CLVS1: variants seen among roughly 807,000 people sequenced by gnomAD.
The protein encoded by CLVS1 is clavesin 1.
CLVS1 carries 10 observed loss-of-function variants against 33.1 expected under a neutral mutation model. The observed-to-expected ratio is 0.30, with a 90% CI of 0.19 to 0.51. The LOEUF (loss-of-function observed/expected upper bound fraction) is 0.51, where lower values mean the gene tolerates loss of function less well. Ranked by LOEUF, CLVS1 falls within the 20% of genes least tolerant of loss-of-function variation. CLVS1 has a pLI of 0.97. For missense variants in CLVS1, 343 were observed against 433.4 expected (o/e 0.79, Z 1.85); for synonymous variants, 163 against 166.1 (o/e 0.98, Z 0.14).
At chr8:61,226,980 G>GTTTTTTTTTTTTTTTTTTTTTTTTT (rs55718731) in intron 2 of CLVS1, among the ~76,000 whole-genome samples, 10 of 132,310 alleles carry the variant, frequency 7.6e-5, no homozygotes, top group Non-Finnish European at 1.1e-4. Context: ...ACGAAAACAT[G>GTTTTTTTTTTTTTTTTTTTTTTTTT]TTTTTTTTTT....
the CLVS1 span, among the ~76,000 whole-genome samples, chr8:60,977,318 G>GTTC: frequency 6.6e-6 from 1 of 152,012 alleles, no homozygotes; most frequent in Non-Finnish European, 1.5e-5. Context: ...TCATTCACAG[G>GTTC]AAAAAAATAA....
chr8:61,456,847 G>C (rs554462042), intron 4 of CLVS1, among the ~76,000 whole-genome samples: 38 of 151,686 alleles, frequency 2.5e-4, no homozygotes, highest in Non-Finnish European at 4.6e-4. Context: ...GAACCTGGGA[G>C]GGGGAGCTTG....
chr8:61,432,620 GA>G (rs1816156030), intron 3 of CLVS1, among the ~76,000 whole-genome samples: 1 of 152,198 alleles, frequency 6.6e-6, no homozygotes, highest in African/African-American at 2.4e-5. Flanking sequence ...TGTGGGAAGA[GA>G]AATTTCCCTT....
At position 61,433,624 on chromosome 8, in the gene CLVS1, G is replaced by A. The variant is rs182019671; in HGVS notation, c.631-20517G>A. On this transcript the variant is annotated intron_variant, in intron 3 of 5. Transcript: ENST00000325897. ...GCCCTGGAGCAGGCATACCAGGAGC[G>A]TCTGACTCTGTGGGCTTCGAGTCAG... 1.8e-4 allele frequency among the ~76,000 whole-genome samples: 27 copies of A among 152,230 alleles called. No individual in the cohort carries two copies. In the East Asian group the frequency reaches 3.3e-3, roughly 19 times the overall value.
intron 2 of CLVS1, among the ~76,000 whole-genome samples, chr8:61,254,701 G>T (rs1334951734): frequency 6.6e-6 from 1 of 152,142 alleles, no homozygotes; most frequent in Non-Finnish European, 1.5e-5. Context: ...GGTTCCGTGG[G>T]CATAGGACCC....
At chr8:61,266,882 T>C (rs1476232030) in intron 2 of CLVS1, among the ~76,000 whole-genome samples, 2 of 152,376 alleles carry the variant, frequency 1.3e-5, no homozygotes, top group Admixed American at 6.5e-5. Flanking sequence ...TTTGGGATTC[T>C]AGCCAAAATA....
intron 3 of CLVS1, among the ~76,000 whole-genome samples, chr8:61,440,436 C>T (rs1816497880): frequency 6.6e-6 from 1 of 152,168 alleles, no homozygotes; most frequent in Admixed American, 6.5e-5. Flanking sequence ...TGCAAACTTC[C>T]TTACAGACTA....
intron 1 of CLVS1, among the ~76,000 whole-genome samples, chr8:61,069,647 T>C (rs1448082251): frequency 6.6e-6 from 1 of 152,196 alleles, no homozygotes; most frequent in African/African-American, 2.4e-5. Flanking sequence ...TTCTCAGTTC[T>C]GCTCCCAACA....
At chr8:60,986,804 C>A in the CLVS1 span, among the ~76,000 whole-genome samples, 3 of 152,290 alleles carry the variant, frequency 2.0e-5, no homozygotes, top group South Asian at 6.2e-4. Context: ...TGGGTAACAT[C>A]GTACTGGGCA....
At chr8:61,497,254 A>G (rs1231849525) in intron 5 of CLVS1, among the ~76,000 whole-genome samples, 1 of 152,170 alleles carries the variant, frequency 6.6e-6, no homozygotes, top group African/African-American at 2.4e-5. Context: ...AAGGATATAG[A>G]TTGCAATCAG....
chr8:61,278,352 TAA>T (rs1427578976), intron 2 of CLVS1, among the ~76,000 whole-genome samples: 1 of 152,226 alleles, frequency 6.6e-6, no homozygotes, highest in African/African-American at 2.4e-5. Context: ...TTAAATAGCA[TAA>T]GTTTACTGTA....
At chr8:61,426,596 G>A (rs1283808643) in intron 3 of CLVS1, among the ~76,000 whole-genome samples, 1 of 152,124 alleles carries the variant, frequency 6.6e-6, no homozygotes, top group Non-Finnish European at 1.5e-5. Context: ...GGAGGATCGG[G>A]CCCCTGCCAA....
chr8:61,229,530 C>T (rs112976159), intron 2 of CLVS1, among the ~76,000 whole-genome samples: 1,543 of 152,336 alleles, frequency 0.01, 34 homozygotes, highest in African/African-American at 0.034. Context: ...AGCCCCCATG[C>T]ATGACACTGC....
At chr8:61,260,371 G>T (rs1177429564) in intron 2 of CLVS1, among the ~76,000 whole-genome samples, 1 of 152,208 alleles carries the variant, frequency 6.6e-6, no homozygotes, top group African/African-American at 2.4e-5. Context: ...AAATAAAACG[G>T]ATGAGTAGTG....
At chr8:61,124,606 C>T (rs1366853940) in intron 1 of CLVS1, among the ~76,000 whole-genome samples, 3 of 152,156 alleles carry the variant, frequency 2.0e-5, no homozygotes. Context: ...AATGAAAGCC[C>T]CAGACTTTGG....
At chr8:61,226,423 A>T (rs1276529982) in intron 2 of CLVS1, among the ~76,000 whole-genome samples, 1 of 152,226 alleles carries the variant, frequency 6.6e-6, no homozygotes, top group African/African-American at 2.4e-5. Context: ...AAATTTTTTT[A>T]AAAAATTAAA....
At chr8:61,151,229 G>A (rs1364875792) in intron 2 of CLVS1, among the ~76,000 whole-genome samples, 2 of 152,178 alleles carry the variant, frequency 1.3e-5, no homozygotes, top group Admixed American at 1.3e-4. Flanking sequence ...AGGTACTGAA[G>A]TCAAGGGGGC....
At chr8:61,231,617 G>A (rs1353856647) in intron 2 of CLVS1, among the ~76,000 whole-genome samples, 1 of 152,104 alleles carries the variant, frequency 6.6e-6, no homozygotes, top group African/African-American at 2.4e-5. Context: ...TTCACCTATT[G>A]TATTATTTAA....
intron 2 of CLVS1, among the ~76,000 whole-genome samples, chr8:61,191,522 C>G (rs1807477258): frequency 6.6e-6 from 1 of 152,086 alleles, no homozygotes; most frequent in Non-Finnish European, 1.5e-5. Context: ...AAGTTCTGGC[C>G]AGGGCAATTA....
Sources: allele counts gnomAD v4.1 joint callset (sites outside exome capture counted in the v4.1 genomes callset), GRCh38; gene constraint gnomAD v4.1.1; transcripts MANE v1.5; gene names NCBI Gene and HGNC (gene_info 2026-07-23, HGNC 2026-07-21).